Variants in CLPB observed in about 807,000 individuals in gnomAD.
The protein encoded by CLPB is mitochondrial disaggregase.
Under a neutral mutation model 78.4 loss-of-function variants are expected in CLPB, and 40 were observed. That is an observed-to-expected ratio of 0.51 (90% confidence interval 0.40 to 0.66). CLPB has a LOEUF of 0.66. Ranked by LOEUF, CLPB falls within the 30% of genes least tolerant of loss-of-function variation. The pLI is 0.00. For synonymous variants in CLPB, 333 were observed against 348.0 expected (o/e 0.96, Z 0.48); for missense variants, 780 against 886.9 (o/e 0.88, Z 1.53).
intron 2 of CLPB, chr11:72,429,237 T>C (rs968934522): frequency 2.6e-5 from 4 of 152,242 alleles, no homozygotes; most frequent in African/African-American, 7.2e-5. Context: ...ACATATTTAT[T>C]TGGCTACAAA....
At chr11:72,381,608 C>A (rs181472589) in intron 3 of CLPB, among the ~76,000 whole-genome samples, 2 of 152,290 alleles carry the variant, frequency 1.3e-5, no homozygotes, top group African/African-American at 4.8e-5. Flanking sequence ...CCCCCAGAAC[C>A]GGCTGGGGCA....
chr11:72,383,544 A>AC (rs1459485935), intron 3 of CLPB, among the ~76,000 whole-genome samples: 3 of 151,608 alleles, frequency 2.0e-5, no homozygotes, highest in Non-Finnish European at 4.4e-5. Flanking sequence ...AAAAAAAAAA[A>AC]AAAATTAAAG....
chr11:72,380,207 T>G, intron 4 of CLPB, 74 bp downstream of exon 4: 1 of 1,140,354 alleles, frequency 8.8e-7, no homozygotes, highest in East Asian at 2.4e-5. Flanking sequence ...CTGGTAGAGC[T>G]GACACCACAG....
intron 1 of CLPB, among the ~76,000 whole-genome samples, chr11:72,433,812 T>G (rs1856619716): frequency 6.6e-6 from 1 of 152,048 alleles, no homozygotes; most frequent in Non-Finnish European, 1.5e-5. Flanking sequence ...TATTAGATGT[T>G]TAGTCCAATA....
At chr11:72,362,665 C>T (rs750231024) in intron 4 of CLPB, among the ~76,000 whole-genome samples, 2 of 152,104 alleles carry the variant, frequency 1.3e-5, no homozygotes, top group Non-Finnish European at 2.9e-5. Context: ...ATAACAGTAA[C>T]GCCTTCATGG....
At chr11:72,430,469 T>C in intron 1 of CLPB, 106 bp from the exon 2 acceptor site, 1 of 891,334 alleles carries the variant, frequency 1.1e-6, no homozygotes, top group South Asian at 1.7e-5. Context: ...AAACGTGGAC[T>C]TTGACAAGCA....
chr11:72,291,603 C>G lies in CLPB; in HGVS notation c.*1764G>C, dbSNP rs372175398. 2 of 152,008 alleles carry G rather than the reference C, an allele frequency of 1.3e-5. No individual in the cohort carries two copies. The allele number at this position is 152,008 out of a possible 1,614,324, so 9.4% of individuals were successfully genotyped here. On this transcript the variant is annotated 3_prime_UTR_variant, in exon 16 of 16. Transcript: ENST00000538039. Reference sequence around the variant, plus strand: ...AATTACAGGCATGAGCCACCACACCCGGCAATTTCCTGGTTTTGATAAACT... The same window carrying G: ...AATTACAGGCATGAGCCACCACACCGGGCAATTTCCTGGTTTTGATAAACT...
chr11:72,298,183 CAGT>C (rs1264302808), intron 11 of CLPB, among the ~76,000 whole-genome samples: 2 of 152,082 alleles, frequency 1.3e-5, no homozygotes, highest in African/African-American at 4.8e-5. Context: ...GAGTGGCCAG[CAGT>C]AGACCTGCTT....
At position 72,289,630 on chromosome 11, in the gene CLPB, G is replaced by A. The variant is rs908781654; in HGVS notation, c.*3737C>T. 6.6e-6 allele frequency: 1 copy of A among 152,158 alleles called. No homozygotes were observed. The highest frequency in any genetic ancestry group is 1.9e-4 in the East Asian group (1 of 5,200). 9.4% of individuals were successfully genotyped at this position (152,158 alleles called of 1,614,324 possible). ...CTGTCACTCAGGCTGCAGTGCAGTG[G>A]TACAATCACAGTTCACTACAGCCTC... is the stretch of plus-strand genomic sequence containing the variant. On this transcript the variant is annotated 3_prime_UTR_variant, in exon 16 of 16. Coordinates refer to ENST00000538039, the MANE Select transcript of CLPB (RefSeq NM_001258392.3).
rs1162294934 is a variant in CLPB at position 72,434,138 on chromosome 11, G to C, written c.337C>G (p.Leu113Val). ...GCTGCGGCCAGGGCGCACATGCCCAGTCCGGCCCTGCTGGGGACCCCGTTC... is the reference window on the plus strand; with the variant it reads ...GCTGCGGCCAGGGCGCACATGCCCACTCCGGCCCTGCTGGGGACCCCGTTC... ...SWNGVPSRAG[L>V]GMCALAAALV... Residue 113 changes from leucine to valine, a missense_variant, in exon 1 of 16, where the codon CTG (leucine) becomes GTG (valine). Leu to Val is a conservative substitution (Grantham distance 32, BLOSUM62 1). This residue lies in a region of CLPB where 417 missense variants were observed against 414.7 expected (regional missense o/e 1.01). Coordinates refer to ENST00000538039, the MANE Select transcript of CLPB (RefSeq NM_001258392.3). 1.2e-6 allele frequency: 2 copies of C among 1,612,344 alleles called. No homozygotes were observed. The highest frequency in any genetic ancestry group is 1.7e-6 in the Non-Finnish European group (2 of 1,180,038).
intron 4 of CLPB, among the ~76,000 whole-genome samples, chr11:72,373,960 CAAAAAAAAAAA>C (rs35682727): frequency 1.2e-5 from 1 of 80,560 alleles, no homozygotes; most frequent in Non-Finnish European, 2.4e-5. Context: ...AACTCTGTCT[CAAAAAAAAAAA>C]AAAAAAAAAA....
chr11:72,347,226 A>T (rs1273687715), intron 5 of CLPB, among the ~76,000 whole-genome samples: 1 of 152,156 alleles, frequency 6.6e-6, no homozygotes, highest in Non-Finnish European at 1.5e-5. Context: ...GATGAGGAGC[A>T]GGATATTTTT....
chr11:72,405,481 A>G (rs1163877454), intron 2 of CLPB, among the ~76,000 whole-genome samples: 2 of 152,184 alleles, frequency 1.3e-5, no homozygotes, highest in East Asian at 3.9e-4. Flanking sequence ...CGCAGCCCCC[A>G]TGAAATCAGT....
chr11:72,427,753 GT>G (rs1167173944), intron 2 of CLPB, among the ~76,000 whole-genome samples: 1 of 152,196 alleles, frequency 6.6e-6, no homozygotes, highest in African/African-American at 2.4e-5. Flanking sequence ...ACTCTATGAT[GT>G]TCACACTGTG....
rs1949760917 is a variant in CLPB, at chr11:72,307,180, C to T, written c.1122+19G>A. ...AGGTCTCCACGATCTGCAGATCAGA[C>T]CTAGGTCCCAGTTCTTACCTTTTTA... On this transcript the variant is annotated intron_variant, in intron 9 of 15. Coordinates refer to ENST00000538039, the MANE Select transcript of CLPB (RefSeq NM_001258392.3). The T allele has an allele frequency of 6.2e-7, 1 of 1,612,484 alleles. No individual in the cohort carries two copies. The highest frequency in any genetic ancestry group is 1.7e-5 in the Admixed American group (1 of 59,968).
intron 7 of CLPB, 114 bp downstream of exon 7, chr11:72,316,992 A>G: frequency 1.5e-6 from 1 of 647,350 alleles, no homozygotes; most frequent in Non-Finnish European, 2.6e-6. Flanking sequence ...TGTAGATAGT[A>G]CTCAACAAAT....
intron 2 of CLPB, among the ~76,000 whole-genome samples, chr11:72,409,007 A>C (rs1170875622): frequency 6.6e-6 from 1 of 152,244 alleles, no homozygotes; most frequent in East Asian, 1.9e-4. Flanking sequence ...TTTTAAAAAG[A>C]GCAATGCTTG....
chr11:72,324,212 T>C (rs1950093908), intron 6 of CLPB, among the ~76,000 whole-genome samples: 1 of 152,096 alleles, frequency 6.6e-6, no homozygotes, highest in Admixed American at 6.6e-5. Context: ...GAAAATACAG[T>C]GATCCATACA....
intron 4 of CLPB, among the ~76,000 whole-genome samples, chr11:72,371,237 A>AT (rs1555101102): frequency 6.6e-6 from 1 of 151,914 alleles, no homozygotes; most frequent in African/African-American, 2.4e-5. Context: ...CTAATTAAAA[A>AT]ATATATATAT....
Sources: allele counts gnomAD v4.1 joint callset (sites outside exome capture counted in the v4.1 genomes callset), GRCh38; gene constraint gnomAD v4.1.1; regional missense constraint gnomAD v4.1.1; transcripts MANE v1.5; gene names NCBI Gene and HGNC (gene_info 2026-07-23, HGNC 2026-07-21).